MIPEP: variants seen among roughly 807,000 people sequenced by gnomAD.
MIPEP encodes mitochondrial intermediate peptidase.
MIPEP carries 79 observed loss-of-function variants against 90.3 expected under a neutral mutation model. The observed-to-expected ratio is 0.87, with a 90% CI of 0.73 to 1.05. MIPEP has a LOEUF of 1.05. Ranked by LOEUF, MIPEP falls within the 50% of genes least tolerant of loss-of-function variation. The pLI is 0.00. For missense variants in MIPEP, 940 were observed against 905.6 expected (o/e 1.04, Z -0.49); for synonymous variants, 334 against 315.8 (o/e 1.06, Z -0.61).
chr13:23,804,961 G>A (rs1019109032), intron 16 of MIPEP, among the ~76,000 whole-genome samples: 4 of 152,142 alleles, frequency 2.6e-5, no homozygotes, highest in Non-Finnish European at 5.9e-5. Flanking sequence ...TTCAGTCTGG[G>A]GGGATTGCCA....
intron 14 of MIPEP, among the ~76,000 whole-genome samples, chr13:23,810,287 A>C (rs769440628): frequency 6.6e-6 from 1 of 152,256 alleles, no homozygotes; most frequent in Non-Finnish European, 1.5e-5. Context: ...TTTTAAGTGC[A>C]TATAATCACT....
intron 18 of MIPEP, among the ~76,000 whole-genome samples, chr13:23,741,825 T>TAA (rs201239803): frequency 5.4e-5 from 8 of 148,740 alleles, no homozygotes; most frequent in Non-Finnish European, 8.9e-5. Context: ...AAAAAAAATT[T>TAA]AAAAAAAAAA....
chr13:23,880,050 G>A (rs551608624), intron 3 of MIPEP, among the ~76,000 whole-genome samples: 2 of 152,230 alleles, frequency 1.3e-5, no homozygotes, highest in African/African-American at 4.8e-5. Flanking sequence ...GATACAATCT[G>A]CACCCTGCTG....
intron 7 of MIPEP, among the ~76,000 whole-genome samples, chr13:23,867,524 T>C (rs1218119618): frequency 6.6e-6 from 1 of 152,206 alleles, no homozygotes; most frequent in Non-Finnish European, 1.5e-5. Context: ...ACTAATAACA[T>C]ACCACATACT....
chr13:23,877,046 G>A (rs1244722878), intron 4 of MIPEP, among the ~76,000 whole-genome samples: 2 of 151,874 alleles, frequency 1.3e-5, no homozygotes, highest in Admixed American at 6.6e-5. Flanking sequence ...TGACTATTCT[G>A]GCATTTTTAA....
At chr13:23,887,435 G>A (rs1871546003) in intron 1 of MIPEP, among the ~76,000 whole-genome samples, 1 of 152,178 alleles carries the variant, frequency 6.6e-6, no homozygotes, top group South Asian at 2.1e-4. Context: ...GCTTTAAGAC[G>A]TTAGAAAAAA....
chr13:23,776,211 T>C (rs11617346), intron 16 of MIPEP, among the ~76,000 whole-genome samples: 29,298 of 152,114 alleles, frequency 0.19, 3,370 homozygotes, highest in Non-Finnish European at 0.27. Flanking sequence ...CCCAGTCATA[T>C]ATAAGCCTCT....
intron 14 of MIPEP, among the ~76,000 whole-genome samples, chr13:23,821,316 T>A (rs1297380605): frequency 6.6e-6 from 1 of 152,242 alleles, no homozygotes; most frequent in African/African-American, 2.4e-5. Context: ...TTCAAAGCAA[T>A]TTTTACTGAG....
chr13:23,878,167 T>C (rs1871144367), intron 4 of MIPEP, among the ~76,000 whole-genome samples: 2 of 152,244 alleles, frequency 1.3e-5, no homozygotes, highest in South Asian at 2.1e-4. Flanking sequence ...ACCAGTTCCG[T>C]ATAAATCTGG....
At chr13:23,827,011 A>G (rs1868484876) in intron 14 of MIPEP, among the ~76,000 whole-genome samples, 1 of 152,246 alleles carries the variant, frequency 6.6e-6, no homozygotes, top group African/African-American at 2.4e-5. Context: ...GTTAGGTATT[A>G]TAAGTAATCT....
chr13:23,873,997 T>C (rs527646709), intron 5 of MIPEP, among the ~76,000 whole-genome samples: 1 of 152,324 alleles, frequency 6.6e-6, no homozygotes, highest in African/African-American at 2.4e-5. Flanking sequence ...GTAACATCTA[T>C]TGTATGTGAT....
At chr13:23,793,686 T>C (rs1252335260) in intron 16 of MIPEP, among the ~76,000 whole-genome samples, 1 of 151,880 alleles carries the variant, frequency 6.6e-6, no homozygotes, top group Non-Finnish European at 1.5e-5. Flanking sequence ...TCAAATGGCA[T>C]CAATACATTA....
intron 18 of MIPEP, among the ~76,000 whole-genome samples, chr13:23,748,027 C>T (rs1451589003): frequency 1.3e-5 from 2 of 152,192 alleles, no homozygotes; most frequent in African/African-American, 4.8e-5. Context: ...GCATGAGCCA[C>T]TGTGCCTGGC....
chr13:23,760,769 A>T (rs569564362), intron 16 of MIPEP, among the ~76,000 whole-genome samples: 94 of 152,324 alleles, frequency 6.2e-4, no homozygotes, highest in South Asian at 6.0e-3. Flanking sequence ...GTATCACATA[A>T]ATATAATCAT....
intron 3 of MIPEP, among the ~76,000 whole-genome samples, chr13:23,880,517 T>A (rs898819393): frequency 6.6e-6 from 1 of 152,226 alleles, no homozygotes; most frequent in South Asian, 2.1e-4. Flanking sequence ...GAAGAGTGCT[T>A]GTCCATGAGA....
intron 16 of MIPEP, among the ~76,000 whole-genome samples, chr13:23,798,697 G>A (rs1183576355): frequency 6.6e-6 from 1 of 152,072 alleles, no homozygotes; most frequent in Non-Finnish European, 1.5e-5. Context: ...TGTAAGATCG[G>A]GTTGTTTAAA....
intron 16 of MIPEP, among the ~76,000 whole-genome samples, chr13:23,794,960 A>G (rs576786709): frequency 1.3e-5 from 2 of 152,258 alleles, no homozygotes; most frequent in Non-Finnish European, 2.9e-5. Context: ...TTATGCAGGC[A>G]AAGAGGAAAG....
At chr13:23,744,170 A>C (rs1382087526) in intron 18 of MIPEP, among the ~76,000 whole-genome samples, 2 of 152,190 alleles carry the variant, frequency 1.3e-5, no homozygotes, top group African/African-American at 4.8e-5. Flanking sequence ...AACAAATCTT[A>C]TTTTCCTACA....
intron 16 of MIPEP, among the ~76,000 whole-genome samples, chr13:23,805,138 T>C (rs1246084750): frequency 6.6e-6 from 1 of 152,244 alleles, no homozygotes; most frequent in Non-Finnish European, 1.5e-5. Flanking sequence ...TTTAAGTCCG[T>C]GTGAACCACG....
Sources: gnomAD v4.1 joint callset for allele counts (sites outside exome capture counted in the v4.1 genomes callset) on GRCh38, gnomAD v4.1.1 for gene constraint, MANE v1.5 for transcripts, NCBI Gene and HGNC (gene_info 2026-07-23, HGNC 2026-07-21) for gene names.